The following RBKS variants were observed in gnomAD, a reference collection of about 807,000 sequenced individuals.
The protein encoded by RBKS is ribokinase.
In RBKS, 33 loss-of-function variants were observed where a neutral mutation model predicts 33.9. That is an observed-to-expected ratio of 0.97 (90% CI 0.74 to 1.30). The LOEUF (loss-of-function observed/expected upper bound fraction) is 1.30, where lower values mean the gene tolerates loss of function less well. Among genes scored for constraint, RBKS ranks in the 50% most tolerant of loss-of-function variants. RBKS has a pLI of 0.00. For synonymous variants in RBKS, 125 were observed against 143.0 expected, an observed-to-expected ratio of 0.87 and a Z score of 0.90; for missense variants, 361 against 392.6, an observed-to-expected ratio of 0.92 and a Z score of 0.68.
rs533011191 is a variant in RBKS, at chr2:27,888,223, G to A, written c.89+2034C>T. ...GCTCACTGCTACCTCCACCTCCCAG[G>A]TTCAAGCAATTCTCCTGCCTCAGCC... On this transcript the variant is annotated intron_variant, in intron 1 of 7. Coordinates refer to ENST00000302188, the MANE Select transcript of RBKS (RefSeq NM_022128.3). Among the ~76,000 whole-genome samples the A allele has an allele frequency of 3.9e-5, 6 of 152,084 alleles. No homozygotes were observed. In the South Asian group the frequency reaches 1.2e-3, roughly 32 times the overall value.
At chr2:27,870,573 C>G in intron 1 of RBKS, 2 of 357,694 alleles carry the variant, frequency 5.6e-6, no homozygotes, top group Non-Finnish European at 1.1e-5. Flanking sequence ...GAGTTAAGGG[C>G]ATGTACTTTA....
intron 1 of RBKS, among the ~76,000 whole-genome samples, chr2:27,862,655 T>A (rs1664014274): frequency 6.6e-6 from 1 of 152,214 alleles, no homozygotes; most frequent in Admixed American, 6.5e-5. Context: ...TATACGCTCT[T>A]CCTTCTTCCC....
At position 27,860,349 on chromosome 2, in the gene RBKS, T is replaced by C. The variant is rs527462417; in HGVS notation, c.90-1778A>G. ...AGTAATCTGTGTGATTGAGTAACTA[T>C]GTGAATTCTTGGCTTACTGATGCTG... is the stretch of plus-strand genomic sequence containing the variant. On this transcript the variant is annotated intron_variant, in intron 1 of 7. Coordinates refer to ENST00000302188, the MANE Select transcript of RBKS (RefSeq NM_022128.3). Among the ~76,000 whole-genome samples the C allele has an allele frequency of 3.2e-3, 493 of 152,310 alleles. 6 individuals are homozygous for C. Among genetic ancestry groups the C allele is most frequent in the Middle Eastern group, 3.4e-3 (1 of 294 alleles).
rs781204782 is a variant in RBKS at position 27,781,660 on chromosome 2, CTG to C, written c.922_923del (p.Gln308ValfsTer38). ...AAVSVQAAGT[Q>X]SSYPYKKDLP... ...GGTCTTTTTTGTAAGGGTAAGATGA[CTG>C]TGTTCCTGCAGCCTGGACACTGACT... On this transcript the variant is annotated frameshift_variant, in exon 8 of 8. Transcript: ENST00000302188. LOFTEE classifies it high-confidence loss of function. The C allele has an allele frequency of 1.1e-5, 17 of 1,613,898 alleles. No individual in the cohort carries two copies. The highest frequency in any genetic ancestry group is 4.0e-5 in the African/African-American group (3 of 74,986).
Position 27,781,712 on chromosome 2 carries a change from A to G in RBKS, c.872T>C (p.Leu291Pro), listed in dbSNP as rs757624389. 2 of 1,614,128 alleles carry G rather than the reference A, an allele frequency of 1.2e-6. No homozygotes were observed. The highest frequency in any genetic ancestry group is 1.7e-6 in the Non-Finnish European group (2 of 1,180,024). ...TGCTGCAATGAAATTGGATCTGTTG[A>G]GCATGTCTTCCAAGGACAGATTTGG... ...YYPNLSLEDM[L>P]NRSNFIAAVS... is the part of the protein sequence containing the mutation. Residue 291 changes from leucine (L) to proline (P), a missense_variant, in exon 8 of 8, where the codon CTC becomes CCC. Leu to Pro is a moderately conservative substitution (Grantham distance 98). Coordinates refer to ENST00000302188, the MANE Select transcript of RBKS (RefSeq NM_022128.3).
At chr2:27,811,392 A>G (rs1677982972) in intron 7 of RBKS, among the ~76,000 whole-genome samples, 1 of 152,214 alleles carries the variant, frequency 6.6e-6, no homozygotes, top group Non-Finnish European at 1.5e-5. Context: ...GCTGAATAAG[A>G]AAGTGTACAG....
chr2:27,888,104 G>A (rs1478570415), intron 1 of RBKS, among the ~76,000 whole-genome samples: 14 of 151,906 alleles, frequency 9.2e-5, no homozygotes, highest in African/African-American at 2.9e-4. Flanking sequence ...TATTCAGGTA[G>A]GATGTATGAG....
intron 7 of RBKS, among the ~76,000 whole-genome samples, chr2:27,801,963 A>AAAAAATATATAT (rs1308232858): frequency 4.2e-5 from 2 of 47,622 alleles, no homozygotes; most frequent in African/African-American, 1.6e-4. Context: ...AAAAAAAAAA[A>AAAAAATATATAT]ATATATATAT....
In RBKS at chr2:27,855,052, G is replaced by GC. The variant is rs530224589; in HGVS notation, c.222+3386dup. On this transcript the variant is annotated intron_variant, in intron 2 of 7. Coordinates refer to ENST00000302188, the MANE Select transcript of RBKS (RefSeq NM_022128.3). ...AAGTTAAGTGTTCTTACTACCCCCCGCCCCCCCACCACACAAAGTTGCTTT... is the reference window on the plus strand; with the variant it reads ...AAGTTAAGTGTTCTTACTACCCCCCGCCCCCCCCACCACACAAAGTTGCTTT... Among the ~76,000 whole-genome samples, 24 of 113,246 alleles carry GC rather than the reference G, an allele frequency of 2.1e-4. No homozygotes were observed. The South Asian group carries it at 4.6e-3, about 22-fold the overall frequency. 74.3% of individuals were successfully genotyped at this position (113,246 alleles called of 152,430 possible).
chr2:27,786,108 ATG>A (rs1259182480), intron 7 of RBKS, among the ~76,000 whole-genome samples: 1 of 152,220 alleles, frequency 6.6e-6, no homozygotes, highest in Non-Finnish European at 1.5e-5. Context: ...AAATAAAAGA[ATG>A]AGAAAGACAA....
intron 7 of RBKS, among the ~76,000 whole-genome samples, chr2:27,821,744 A>C (rs1215136897): frequency 6.6e-6 from 1 of 152,244 alleles, no homozygotes; most frequent in Non-Finnish European, 1.5e-5. Context: ...GTGTCAATAG[A>C]GTAAGTCTCC....
chr2:27,819,290 G>A (rs1477758723), intron 7 of RBKS, among the ~76,000 whole-genome samples: 1 of 152,140 alleles, frequency 6.6e-6, no homozygotes, highest in Admixed American at 6.5e-5. Context: ...CACACAGAGA[G>A]AGAGAGAAAA....
At position 27,874,788 on chromosome 2, in the gene RBKS, G is replaced by A. The variant is rs79688744; in HGVS notation, c.89+15469C>T. 7.2e-3 allele frequency among the ~76,000 whole-genome samples: 1,091 copies of A among 152,262 alleles called. 15 individuals are homozygous for A. Among genetic ancestry groups the A allele is most frequent in the African/African-American group, 0.025 (1,045 of 41,554 alleles). On this transcript the variant is annotated intron_variant, in intron 1 of 7. Transcript: ENST00000302188. ...GTTTAAAAAACAAAAATTGATGCCT[G>A]GATTCCCTCCCTGGAGAGGCTGGTT...
intron 7 of RBKS, among the ~76,000 whole-genome samples, chr2:27,802,941 C>G (rs1677829078): frequency 6.6e-6 from 1 of 152,204 alleles, no homozygotes; most frequent in African/African-American, 2.4e-5. Context: ...GCCGCTTACA[C>G]AAGAGCCTAG....
chr2:27,864,673 GAA>G (rs11297127), intron 1 of RBKS, among the ~76,000 whole-genome samples: 11 of 150,718 alleles, frequency 7.3e-5, no homozygotes, highest in Admixed American at 4.0e-4. Flanking sequence ...TTCATTCTGA[GAA>G]AAAAAAAAAC....
At chr2:27,866,472 A>AT (rs1664100598) in intron 1 of RBKS, among the ~76,000 whole-genome samples, 2 of 151,922 alleles carry the variant, frequency 1.3e-5, no homozygotes. Flanking sequence ...TTCAGCCATT[A>AT]TTTTTTCAAA....
rs1161206494 is a variant in RBKS at position 27,783,975 on chromosome 2, C to CTTTT, written c.796-2191_796-2188dup. On this transcript the variant is annotated intron_variant, in intron 7 of 7. Transcript: ENST00000302188. The stretch of plus-strand genomic sequence containing the variant: ...ATTCAACAGCTCTCAGGGTCATTTT[C>CTTTT]TTTTTTTTTTTTTTTTTTTTTTTTT... Among the ~76,000 whole-genome samples, 7 of 55,312 alleles carry CTTTT rather than the reference C, an allele frequency of 1.3e-4. 2 individuals carry two copies. The highest frequency in any genetic ancestry group is 1.9e-4 in the African/African-American group (3 of 16,134). 36.3% of individuals were successfully genotyped at this position (55,312 alleles called of 152,430 possible).
intron 7 of RBKS, among the ~76,000 whole-genome samples, chr2:27,793,985 A>C (rs1433759464): frequency 6.6e-6 from 1 of 152,146 alleles, no homozygotes; most frequent in Admixed American, 6.5e-5. Context: ...TTTACTTTTT[A>C]AAAATAAAAA....
At chr2:27,794,981 TG>T (rs1354592093) in intron 7 of RBKS, among the ~76,000 whole-genome samples, 1 of 152,176 alleles carries the variant, frequency 6.6e-6, no homozygotes, top group African/African-American at 2.4e-5. Context: ...AATTGAGGAC[TG>T]GGATGTTAGT....
Sources: gnomAD v4.1 joint callset for allele counts (sites outside exome capture counted in the v4.1 genomes callset) on GRCh38, gnomAD v4.1.1 for gene constraint, MANE v1.5 for transcripts, NCBI Gene and HGNC (gene_info 2026-07-23, HGNC 2026-07-21) for gene names.